The following MOB3B variants were observed in gnomAD, a reference collection of about 807,000 sequenced individuals.
MOB3B encodes the protein MOB kinase activator 3B, also known as MOB kinase activator-like 2B.
A neutral mutation model predicts 18.7 loss-of-function variants in MOB3B; 7 were observed. That is an observed-to-expected ratio of 0.37 (90% CI 0.21 to 0.70). The LOEUF (loss-of-function observed/expected upper bound fraction) is 0.70. MOB3B is among the 30% of genes least tolerant of loss of function. The pLI is 0.52. For missense variants in MOB3B, 253 were observed against 281.3 expected (o/e 0.90, Z 0.72); for synonymous variants, 111 against 99.9 (o/e 1.11, Z -0.66).
Position 27,329,196 on chromosome 9 carries a change from T to C in MOB3B, c.*1391A>G, listed in dbSNP as rs1820754091. Reference sequence around the variant, plus strand: ...ACTAATACATTCTTATCTACTTCCCTCCACCGACAAATATTTTGCTAAATT... The same window carrying C: ...ACTAATACATTCTTATCTACTTCCCCCCACCGACAAATATTTTGCTAAATT... On this transcript the variant is annotated 3_prime_UTR_variant, in exon 4 of 4. Coordinates refer to ENST00000262244, the MANE Select transcript of MOB3B (RefSeq NM_024761.5). 1 of 152,168 alleles carries C rather than the reference T, an allele frequency of 6.6e-6. No homozygotes were observed. 9.4% of individuals were successfully genotyped at this position (152,168 alleles called of 1,614,324 possible).
chr9:27,524,176 C>CAA, intron 1 of MOB3B: 1 of 278,120 alleles, frequency 3.6e-6, no homozygotes, highest in Non-Finnish European at 6.3e-6. Context: ...AAAAAAGCCT[C>CAA]AGAGGCAAAG....
At chr9:27,382,844 A>G (rs1821598335) in intron 2 of MOB3B, among the ~76,000 whole-genome samples, 1 of 151,914 alleles carries the variant, frequency 6.6e-6, no homozygotes, top group African/African-American at 2.4e-5. Flanking sequence ...ACCCAATCCA[A>G]TTAAATCCCC....
intron 2 of MOB3B, among the ~76,000 whole-genome samples, chr9:27,391,210 A>G (rs1821723158): frequency 6.6e-6 from 1 of 152,190 alleles, no homozygotes; most frequent in African/African-American, 2.4e-5. Flanking sequence ...CGTTCACAGG[A>G]TGGTGTTTGG....
chr9:27,341,856 C>T (rs967883376), intron 3 of MOB3B, among the ~76,000 whole-genome samples: 41 of 152,246 alleles, frequency 2.7e-4, no homozygotes, highest in Admixed American at 2.0e-3. Flanking sequence ...CAACAGGCCT[C>T]GGAATCCTAT....
Position 27,529,776 on chromosome 9 carries a change from A to C in MOB3B, c.-420T>G. ...GCCGTCGCTCCGGAGCAGCCCCCTC[A>C]TGCACCCAGCGCGCCGCGCAGCCGG... On this transcript the variant is annotated 5_prime_UTR_variant, in exon 1 of 4. It removes an upstream start codon present in the reference 5' UTR. Coordinates refer to ENST00000262244, the MANE Select transcript of MOB3B (RefSeq NM_024761.5). The C allele has an allele frequency of 7.1e-6, 7 of 985,044 alleles. No individual in the cohort carries two copies. Among genetic ancestry groups the C allele is most frequent in the Non-Finnish European group, 8.4e-6 (7 of 829,874 alleles). The allele number at this position is 985,044 out of a possible 1,614,324, so 61.0% of individuals were successfully genotyped here.
intron 2 of MOB3B, among the ~76,000 whole-genome samples, chr9:27,441,036 C>T (rs1029436675): frequency 9.2e-5 from 14 of 152,058 alleles, no homozygotes; most frequent in African/African-American, 1.2e-4. Context: ...CAATAGGGTC[C>T]GTGCTCCCAT....
intron 1 of MOB3B, among the ~76,000 whole-genome samples, chr9:27,514,615 A>G (rs1820202524): frequency 6.6e-6 from 1 of 152,204 alleles, no homozygotes; most frequent in Non-Finnish European, 1.5e-5. Flanking sequence ...AGATCTAGGC[A>G]AGGGCTCTTT....
chr9:27,353,803 CTAT>C (rs1821144723), intron 3 of MOB3B, among the ~76,000 whole-genome samples: 1 of 152,180 alleles, frequency 6.6e-6, no homozygotes, highest in Non-Finnish European at 1.5e-5. Context: ...ACACTGCGGG[CTAT>C]TCGTGCTTGC....
At chr9:27,496,612 T>C (rs1819904401) in intron 1 of MOB3B, among the ~76,000 whole-genome samples, 1 of 152,322 alleles carries the variant, frequency 6.6e-6, no homozygotes, top group Admixed American at 6.5e-5. Context: ...CCAATAAATA[T>C]GAGGCATTCC....
chr9:27,472,223 AT>A (rs557484265), intron 1 of MOB3B, among the ~76,000 whole-genome samples: 50 of 132,120 alleles, frequency 3.8e-4, no homozygotes, highest in Middle Eastern at 7.9e-3. Context: ...TTCCCACACT[AT>A]TTTTTTTTTA....
At chr9:27,517,127 C>T (rs903674123) in intron 1 of MOB3B, among the ~76,000 whole-genome samples, 3 of 152,154 alleles carry the variant, frequency 2.0e-5, no homozygotes, top group Non-Finnish European at 2.9e-5. Context: ...TTGTCTTCTT[C>T]TTGATACCTG....
At chr9:27,340,211 T>TGTGTGCACATATGTGCAGGCTCCC (rs1820918986) in intron 3 of MOB3B, among the ~76,000 whole-genome samples, 2 of 152,352 alleles carry the variant, frequency 1.3e-5, no homozygotes, top group Non-Finnish European at 2.9e-5. Flanking sequence ...TGTGTGTGAA[T>TGTGTGCACATATGTGCAGGCTCCC]GTGTGCACAT....
intron 2 of MOB3B, among the ~76,000 whole-genome samples, chr9:27,369,746 G>A (rs1052180976): frequency 2.0e-5 from 3 of 152,156 alleles, no homozygotes; most frequent in African/African-American, 7.2e-5. Flanking sequence ...TGGAGGGTTG[G>A]TAGCTGGAAA....
rs971012497 is a variant in MOB3B, at chr9:27,529,722, C to T, written c.-366G>A. The T allele has an allele frequency of 1.0e-6, 1 of 985,414 alleles. No individual in the cohort carries two copies. The highest frequency in any genetic ancestry group is 1.7e-5 in the African/African-American group (1 of 57,362). The allele number at this position is 985,414 out of a possible 1,614,324, so 61.0% of individuals were successfully genotyped here. On this transcript the variant is annotated 5_prime_UTR_variant, in exon 1 of 4. Coordinates refer to ENST00000262244, the MANE Select transcript of MOB3B (RefSeq NM_024761.5). ...AGGTCCCGGCGAGCCAACCGGCGGA[C>T]GGGCGAGCGCCTGGCTCCAGCTGCA...
intron 2 of MOB3B, among the ~76,000 whole-genome samples, chr9:27,390,968 T>C (rs1026038232): frequency 3.9e-5 from 6 of 152,216 alleles, no homozygotes; most frequent in African/African-American, 1.4e-4. Context: ...ATCCTGATCT[T>C]GGCTTTTCCA....
intron 1 of MOB3B, among the ~76,000 whole-genome samples, chr9:27,506,868 G>C (rs577743544): frequency 2.2e-5 from 3 of 135,518 alleles, no homozygotes; most frequent in African/African-American, 8.2e-5. Flanking sequence ...TTTTAGTAGA[G>C]ACGGGGTTTC....
chr9:27,335,434 G>A (rs113728614), intron 3 of MOB3B, among the ~76,000 whole-genome samples: 1 of 152,188 alleles, frequency 6.6e-6, no homozygotes, highest in African/African-American at 2.4e-5. Context: ...ATTCGAAAGA[G>A]GCAATTTGTG....
intron 2 of MOB3B, among the ~76,000 whole-genome samples, chr9:27,386,414 C>G (rs1251888313): frequency 6.6e-6 from 1 of 152,174 alleles, no homozygotes; most frequent in Non-Finnish European, 1.5e-5. Flanking sequence ...CAGTCTTGGT[C>G]TGGGAGTAAT....
chr9:27,517,345 T>A (rs1820251002), intron 1 of MOB3B, among the ~76,000 whole-genome samples: 1 of 152,130 alleles, frequency 6.6e-6, no homozygotes, highest in African/African-American at 2.4e-5. Flanking sequence ...TACACAGTTA[T>A]ACAATTCTAT....
Sources: allele counts gnomAD v4.1 joint callset (sites outside exome capture counted in the v4.1 genomes callset), GRCh38; gene constraint gnomAD v4.1.1; transcripts MANE v1.5; gene names NCBI Gene and HGNC (gene_info 2026-07-23, HGNC 2026-07-21).